Variants in JARID2 observed in about 807,000 individuals in gnomAD.
JARID2 encodes protein Jumonji.
A neutral mutation model predicts 125.6 loss-of-function variants in JARID2; 21 were observed. The ratio of observed to expected loss-of-function variants is 0.17; its 90% CI spans 0.12 to 0.24. The LOEUF (loss-of-function observed/expected upper bound fraction) is 0.24, where lower values mean the gene tolerates loss of function less well. Ranked by LOEUF, JARID2 falls within the 10% of genes least tolerant of loss-of-function variation. The probability of loss-of-function intolerance (pLI) is 1.00; values close to 1 mark genes in which losing one functional copy is unlikely to be tolerated. For missense variants in JARID2, 1,303 were observed against 1,639.6 expected (o/e 0.79, Z 3.55); for synonymous variants, 736 against 661.6 (o/e 1.11, Z -1.73).
At chr6:15,390,178 C>A (rs1011411537) in intron 2 of JARID2, among the ~76,000 whole-genome samples, 7 of 152,168 alleles carry the variant, frequency 4.6e-5, no homozygotes, top group African/African-American at 1.7e-4. Context: ...TTGTTGTCAT[C>A]TGTCCACTTG....
intron 2 of JARID2, among the ~76,000 whole-genome samples, chr6:15,398,012 C>T (rs1160134627): frequency 6.6e-6 from 1 of 152,100 alleles, no homozygotes; most frequent in Admixed American, 6.5e-5. Flanking sequence ...ATAAGCAAGG[C>T]CACGGATGGA....
intron 3 of JARID2, among the ~76,000 whole-genome samples, chr6:15,430,454 G>A (rs773574807): frequency 6.6e-6 from 1 of 152,072 alleles, no homozygotes; most frequent in African/African-American, 2.4e-5. Flanking sequence ...GTTTATATGT[G>A]GTTGCCAATT....
chr6:15,304,305 C>A (rs1443402551), intron 1 of JARID2, among the ~76,000 whole-genome samples: 1 of 28,760 alleles, frequency 3.5e-5, no homozygotes, highest in African/African-American at 1.2e-4. Context: ...TTTGCTGATC[C>A]CCCCCCCCCC....
chr6:15,513,911 C>T (rs1188409399), intron 16 of JARID2, among the ~76,000 whole-genome samples: 3 of 152,234 alleles, frequency 2.0e-5, no homozygotes, highest in Admixed American at 6.5e-5. Flanking sequence ...CCTCAGCCCC[C>T]GAGGACTTCA....
At chr6:15,373,605 A>G (rs1054328303) in intron 1 of JARID2, among the ~76,000 whole-genome samples, 5 of 152,186 alleles carry the variant, frequency 3.3e-5, no homozygotes, top group African/African-American at 9.7e-5. Flanking sequence ...ATCCAATTCC[A>G]TGTCTTCTGA....
intron 1 of JARID2, among the ~76,000 whole-genome samples, chr6:15,321,783 GTTTTTTTTTT>G (rs71687714): frequency 7.3e-5 from 5 of 68,474 alleles, no homozygotes; most frequent in Non-Finnish European, 1.3e-4. Context: ...AAGAATTCTT[GTTTTTTTTTT>G]TTTTTTTTTT....
intron 1 of JARID2, among the ~76,000 whole-genome samples, chr6:15,335,602 C>G (rs1001418396): frequency 6.6e-6 from 1 of 152,166 alleles, no homozygotes; most frequent in Non-Finnish European, 1.5e-5. Flanking sequence ...GTTGCAGTTC[C>G]CCTTTCTCTG....
At chr6:15,277,165 A>AT (rs1760557231) in intron 1 of JARID2, among the ~76,000 whole-genome samples, 1 of 152,158 alleles carries the variant, frequency 6.6e-6, no homozygotes, top group Non-Finnish European at 1.5e-5. Context: ...CTATTATTTT[A>AT]TTTTTACAGA....
At chr6:15,517,137 C>A in intron 16 of JARID2, 24 bp from the exon 17 acceptor site, 1 of 1,577,270 alleles carries the variant, frequency 6.3e-7, no homozygotes, top group Non-Finnish European at 8.7e-7. Flanking sequence ...TCCTGACCTT[C>A]GGGTGTCCTG....
chr6:15,511,215 G>GA, intron 12 of JARID2, 81 bp from the exon 13 acceptor site: 1 of 962,986 alleles, frequency 1.0e-6, no homozygotes, highest in Non-Finnish European at 1.7e-6. Context: ...TCGGGTCCCT[G>GA]AGGGTGACGG....
chr6:15,395,058 C>T (rs1400544723), intron 2 of JARID2, among the ~76,000 whole-genome samples: 1 of 151,706 alleles, frequency 6.6e-6, no homozygotes, highest in East Asian at 1.9e-4. Flanking sequence ...TATTAACCAA[C>T]AAACTAATTA....
intron 3 of JARID2, among the ~76,000 whole-genome samples, chr6:15,445,064 G>C (rs975295208): frequency 6.6e-6 from 1 of 152,018 alleles, no homozygotes; most frequent in Non-Finnish European, 1.5e-5. Flanking sequence ...CTGTTGTGCC[G>C]CAGTCAGGGC....
rs369114833 is a variant in JARID2, at chr6:15,309,933, G to A, written c.45+63349G>A. Among the ~76,000 whole-genome samples, 281 of 152,236 alleles carry A rather than the reference G, an allele frequency of 1.8e-3. No individual in the cohort carries two copies. The South Asian group carries it at 0.021, about 11-fold the overall frequency. On this transcript the variant is annotated intron_variant, in intron 1 of 17. Transcript: ENST00000341776. The stretch of plus-strand genomic sequence containing the variant: ...CTTATCTATATTTTCTCCAGGAAAC[G>A]TGTATTACTCTGTAATAAACAAAAA...
intron 12 of JARID2, chr6:15,509,207 C>A: frequency 1.6e-6 from 2 of 1,226,046 alleles, no homozygotes; most frequent in Non-Finnish European, 2.1e-6. Context: ...AGGCTGGACT[C>A]TTTGGTGTCT....
chr6:15,499,763 C>A (rs1770642321), intron 7 of JARID2, among the ~76,000 whole-genome samples: 1 of 152,110 alleles, frequency 6.6e-6, no homozygotes, highest in Non-Finnish European at 1.5e-5. Context: ...CTCCCCTGTT[C>A]TCCACAACCA....
intron 3 of JARID2, among the ~76,000 whole-genome samples, chr6:15,443,933 C>T (rs1767553138): frequency 6.6e-6 from 1 of 152,140 alleles, no homozygotes; most frequent in Admixed American, 6.5e-5. Context: ...GAGGGGAATT[C>T]AACTAACAAA....
chr6:15,511,274 C>G (rs1561916667), intron 12 of JARID2, 22 bp from the exon 13 acceptor site: 1 of 1,553,356 alleles, frequency 6.4e-7, no homozygotes, highest in Non-Finnish European at 8.9e-7. Context: ...CTGCTTGTCT[C>G]TTGTGTCTCT....
At chr6:15,271,355 A>G (rs987256607) in intron 1 of JARID2, among the ~76,000 whole-genome samples, 2 of 152,202 alleles carry the variant, frequency 1.3e-5, no homozygotes, top group Non-Finnish European at 2.9e-5. Context: ...CTCAGGGCCT[A>G]CACTTCGTGT....
intron 3 of JARID2, among the ~76,000 whole-genome samples, chr6:15,448,348 A>T (rs2127633089): frequency 6.6e-6 from 1 of 152,318 alleles, no homozygotes; most frequent in South Asian, 2.1e-4. Context: ...AAATTGTAAA[A>T]TATCTCACAG....
Sources: gnomAD v4.1 joint callset for allele counts (sites outside exome capture counted in the v4.1 genomes callset) on GRCh38, gnomAD v4.1.1 for gene constraint, MANE v1.5 for transcripts, NCBI Gene and HGNC (gene_info 2026-07-23, HGNC 2026-07-21) for gene names.